EMC10: variants seen among roughly 807,000 people sequenced by gnomAD.
The protein encoded by EMC10 is UPF0510 protein INM02.
A neutral mutation model predicts 32.2 loss-of-function variants in EMC10; 40 were observed. The ratio of observed to expected loss-of-function variants is 1.24; its 90% CI spans 0.96 to 1.61. The LOEUF (loss-of-function observed/expected upper bound fraction) is 1.61. Ranked by LOEUF, EMC10 falls within the 40% of genes most tolerant of loss-of-function variation. EMC10 has a pLI of 0.00. For synonymous variants in EMC10, 178 were observed against 158.4 expected (o/e 1.12, Z -0.93); for missense variants, 402 against 357.7 (o/e 1.12, Z -1.00).
At chr19:50,476,780 C>T (rs2040230814) in intron 1 of EMC10, 122 bp downstream of exon 1, 4 of 651,768 alleles carry the variant, frequency 6.1e-6, no homozygotes, top group South Asian at 2.2e-5. Flanking sequence ...GTGGGAGATC[C>T]CTGGAAAGCC....
In EMC10 at chr19:50,477,811, A is replaced by T. The variant is rs577098899; in HGVS notation, c.115-118A>T. 264 of 669,350 alleles carry T rather than the reference A, an allele frequency of 3.9e-4. 1 individual carries two copies. The African/African-American group carries it at 4.7e-3, about 12-fold the overall frequency. 41.5% of individuals were successfully genotyped at this position (669,350 alleles called of 1,614,324 possible). A position where few individuals can be genotyped will look rare whatever the true frequency, so the allele number is the denominator to read the frequency against. On this transcript the variant is annotated intron_variant, in intron 1 of 6. Coordinates refer to ENST00000334976, the MANE Select transcript of EMC10 (RefSeq NM_206538.4). ...GAAATAAAGGCAAGCAGCAGTGATT[A>T]ACTTGAAGATAAGGCTCCTCCCTCA...
chr19:50,487,521 G>A lies in EMC10; in HGVS notation c.*5262G>A, dbSNP rs975404007. ...GTTCCGGACAGATGGAAAAGGAAGA[G>A]AGAATGGGTGTCACAAAGGTCTGTC... On this transcript the variant is annotated 3_prime_UTR_variant, in exon 7 of 7. Transcript: ENST00000334976. 2.0e-4 allele frequency: 31 copies of A among 152,550 alleles called. No homozygotes were observed. Among genetic ancestry groups the A allele is most frequent in the African/African-American group, 6.3e-4 (26 of 41,600 alleles). The allele number at this position is 152,550 out of a possible 1,614,324, so 9.4% of individuals were successfully genotyped here.
At position 50,486,443 on chromosome 19, in the gene EMC10, C is replaced by T. The variant is rs1353336217; in HGVS notation, c.*4184C>T. 6.6e-6 allele frequency: 1 copy of T among 152,156 alleles called. No individual in the cohort carries two copies. The highest frequency in any genetic ancestry group is 1.9e-4 in the East Asian group (1 of 5,188). The allele number at this position is 152,156 out of a possible 1,614,324, so 9.4% of individuals were successfully genotyped here. Reference sequence around the variant, plus strand: ...GACCTCAAGCGATCCACCTTAGTCTCCTAAAGTGCTGGGATTACATGTGTG... The same window carrying T: ...GACCTCAAGCGATCCACCTTAGTCTTCTAAAGTGCTGGGATTACATGTGTG... On this transcript the variant is annotated 3_prime_UTR_variant, in exon 7 of 7. Coordinates refer to ENST00000334976, the MANE Select transcript of EMC10 (RefSeq NM_206538.4).
intron 2 of EMC10, among the ~76,000 whole-genome samples, 174 bp downstream of exon 2, chr19:50,478,175 C>T (rs536204492): frequency 3.3e-5 from 5 of 152,282 alleles, no homozygotes; most frequent in Admixed American, 2.0e-4. Flanking sequence ...CTTTAAATGC[C>T]CCCTTGCCTG....
In EMC10 at chr19:50,488,334, G is replaced by A. The variant is rs576745053; in HGVS notation, c.*6075G>A. 5.4e-5 allele frequency: 8 copies of A among 148,034 alleles called. No individual in the cohort carries two copies. Among genetic ancestry groups the A allele is most frequent in the African/African-American group, 2.0e-4 (8 of 40,212 alleles). 9.2% of individuals were successfully genotyped at this position (148,034 alleles called of 1,614,324 possible). On this transcript the variant is annotated 3_prime_UTR_variant, in exon 7 of 7. Transcript: ENST00000334976. The stretch of plus-strand genomic sequence containing the variant: ...AAAAAAAAAAGAAAAGATGGCCAGA[G>A]CAGGAGGGGAGAGAGGAAGAGGGAG...
In EMC10 at chr19:50,480,781, C is replaced by G; in HGVS notation, c.584+19C>G. 6.4e-7 allele frequency: 1 copy of G among 1,572,448 alleles called. No individual in the cohort carries two copies. The highest frequency in any genetic ancestry group is 8.6e-7 in the Non-Finnish European group (1 of 1,157,366). ...CCCCAGGGTGAGCCTCTGCTGCCTT[C>G]GCGGCGCTCTTGCCACCTGCCCCGG... On this transcript the variant is annotated intron_variant, in intron 5 of 6. Transcript: ENST00000334976. This position sits in a 1 kb window ranked among gnomAD's most constrained non-coding sequence, Gnocchi z 4.4.
intron 6 of EMC10, chr19:50,481,211 G>C: frequency 2.0e-6 from 1 of 494,982 alleles, no homozygotes; most frequent in Non-Finnish European, 3.6e-6. Flanking sequence ...GGGAGGTCTC[G>C]GCCTGAGCTA....
Position 50,482,404 on chromosome 19 carries a change from G to A in EMC10, c.*145G>A, listed in dbSNP as rs1214585983. ...ACGAGGCCACCTGGGCCAGCCCCTT[G>A]TCCTCTGCCTTCTGCTGGCAGAGGA... On this transcript the variant is annotated 3_prime_UTR_variant, in exon 7 of 7. Transcript: ENST00000334976. 8.3e-6 allele frequency: 5 copies of A among 600,616 alleles called. No individual in the cohort carries two copies. Among genetic ancestry groups the A allele is most frequent in the South Asian group, 3.9e-5 (2 of 51,062 alleles). 37.2% of individuals were successfully genotyped at this position (600,616 alleles called of 1,614,324 possible).
Position 50,482,157 on chromosome 19 carries a change from C to A in EMC10, c.687C>A (p.Tyr229Ter). ...QKSFFAKYWM[Y>*]IIPVVLFLMM... ...CTTCCGTCCGGCTGCAGTGGATGTA[C>A]ATCATTCCCGTCGTCCTGTTCCTCA... Residue 229 changes from tyrosine to a stop codon, truncating the protein, a stop_gained, in exon 7 of 7, where the codon TAC (tyrosine) becomes TAA (stop). Transcript: ENST00000334976. LOFTEE classifies it high-confidence loss of function. The A allele has an allele frequency of 1.3e-6, 2 of 1,578,866 alleles. No homozygotes were observed. The highest frequency in any genetic ancestry group is 1.7e-6 in the Non-Finnish European group (2 of 1,152,588).
intron 6 of EMC10, 80 bp from the exon 7 acceptor site, chr19:50,482,069 G>T (rs1183766542): frequency 7.0e-7 from 1 of 1,428,586 alleles, no homozygotes; most frequent in Non-Finnish European, 9.9e-7. Flanking sequence ...CCCACCGTGG[G>T]TGGGTGATGC....
Position 50,486,162 on chromosome 19 carries a change from A to G in EMC10, c.*3903A>G, listed in dbSNP as rs1435264354. Reference sequence around the variant, plus strand: ...ACTAACCCCAAATTGTCTACTGGAAACTATAGGCTCCTTTTTTTTTGGTGG... The same window carrying G: ...ACTAACCCCAAATTGTCTACTGGAAGCTATAGGCTCCTTTTTTTTTGGTGG... On this transcript the variant is annotated 3_prime_UTR_variant, in exon 7 of 7. Coordinates refer to ENST00000334976, the MANE Select transcript of EMC10 (RefSeq NM_206538.4). 1 of 152,138 alleles carries G rather than the reference A, an allele frequency of 6.6e-6. No homozygotes were observed. The highest frequency in any genetic ancestry group is 2.4e-5 in the African/African-American group (1 of 41,426). The allele number at this position is 152,138 out of a possible 1,614,324, so 9.4% of individuals were successfully genotyped here.
At chr19:50,481,989 C>G in intron 6 of EMC10, 160 bp from the exon 7 acceptor site, 1 of 1,603,374 alleles carries the variant, frequency 6.2e-7, no homozygotes, top group Non-Finnish European at 8.5e-7. Context: ...CCCCACTGGC[C>G]CTCCCTGACC....
intron 6 of EMC10, chr19:50,481,900 C>G (rs1478724937): frequency 6.2e-7 from 1 of 1,601,352 alleles, no homozygotes; most frequent in African/African-American, 1.3e-5. Flanking sequence ...GCTCACAGCC[C>G]TGCGTCCTGC....
rs747507814 is a variant in EMC10, at chr19:50,490,589, C to T, written c.*8330C>T. The stretch of plus-strand genomic sequence containing the variant: ...CTGAGTGACAGGGGGACCCAGGGGC[C>T]TCACCTGGGCTACCTGGGGTGGGTG... On this transcript the variant is annotated 3_prime_UTR_variant, in exon 7 of 7. Transcript: ENST00000334976. 2.0e-5 allele frequency: 3 copies of T among 152,178 alleles called. No individual in the cohort carries two copies. The highest frequency in any genetic ancestry group is 2.9e-5 in the Non-Finnish European group (2 of 68,040). 9.4% of individuals were successfully genotyped at this position (152,178 alleles called of 1,614,324 possible).
chr19:50,480,726 C>A lies in EMC10; in HGVS notation c.548C>A (p.Thr183Asn). Reference sequence around the variant, plus strand: ...GACGTGGACCTGGAGCTGTTCAACACCTCGGTGCAGCTGCAGCCGCCCACC... The same window carrying A: ...GACGTGGACCTGGAGCTGTTCAACAACTCGGTGCAGCTGCAGCCGCCCACC... ...VEDVDLELFN[T>N]SVQLQPPTTA... is the part of the protein sequence containing the mutation. The change falls in exon 5 of 7, where the codon ACC (threonine) becomes AAC (asparagine). Residue 183 changes from threonine to asparagine, a missense_variant. Thr to Asn is a moderately conservative substitution (Grantham distance 65). Coordinates refer to ENST00000334976, the MANE Select transcript of EMC10 (RefSeq NM_206538.4). This position sits in a 1 kb window ranked among gnomAD's most constrained non-coding sequence, Gnocchi z 4.4. The A allele has an allele frequency of 6.2e-7, 1 of 1,603,914 alleles. No homozygotes were observed.
intron 1 of EMC10, 81 bp downstream of exon 1, chr19:50,476,739 A>C (rs2122652802): frequency 2.2e-6 from 2 of 895,792 alleles, no homozygotes; most frequent in East Asian, 6.1e-5. Flanking sequence ...TTACAGACGG[A>C]AGGAGGCTGC....
Position 50,482,462 on chromosome 19 carries a change from G to A in EMC10, c.*203G>A, listed in dbSNP as rs1162311207. ...GACTGGGGCCTTTGGCACAGCAGCCGGTGTCTCCTGCGCCCGCCTCCCCCA... is the reference window on the plus strand; with the variant it reads ...GACTGGGGCCTTTGGCACAGCAGCCAGTGTCTCCTGCGCCCGCCTCCCCCA... On this transcript the variant is annotated 3_prime_UTR_variant, in exon 7 of 7. Coordinates refer to ENST00000334976, the MANE Select transcript of EMC10 (RefSeq NM_206538.4). The A allele has an allele frequency of 1.7e-5, 10 of 589,142 alleles. No homozygotes were observed. Among genetic ancestry groups the A allele is most frequent in the South Asian group, 4.1e-5 (2 of 49,044 alleles). 36.5% of individuals were successfully genotyped at this position (589,142 alleles called of 1,614,324 possible). A position where few individuals can be genotyped will look rare whatever the true frequency, so the allele number is the denominator to read the frequency against.
chr19:50,478,897 C>A, intron 2 of EMC10, 60 bp from the exon 3 acceptor site: 2 of 1,383,152 alleles, frequency 1.4e-6, no homozygotes, highest in Non-Finnish European at 2.0e-6. Context: ...CCTCCTGGCC[C>A]CTGCCTGGGT....
At chr19:50,476,710 T>C in intron 1 of EMC10, 52 bp downstream of exon 1, 1 of 1,190,214 alleles carries the variant, frequency 8.4e-7, no homozygotes, top group Non-Finnish European at 1.1e-6. Context: ...ATGTCGCAGG[T>C]CTTGGGTCTT....
Sources: gnomAD v4.1 joint callset for allele counts (sites outside exome capture counted in the v4.1 genomes callset) on GRCh38, gnomAD v4.1.1 for gene constraint, Gnocchi (gnomAD v3.1) non-coding constraint, MANE v1.5 for transcripts, NCBI Gene and HGNC (gene_info 2026-07-23, HGNC 2026-07-21) for gene names.